Variants in ANKLE2 observed in about 807,000 individuals in gnomAD.
ANKLE2 encodes the protein ankyrin repeat and LEM domain-containing protein 2.
A neutral mutation model predicts 84.2 loss-of-function variants in ANKLE2; 55 were observed. That is an observed-to-expected ratio of 0.65 (90% CI 0.53 to 0.82). The LOEUF (loss-of-function observed/expected upper bound fraction) is 0.82, where lower values mean the gene tolerates loss of function less well. Ranked by LOEUF, ANKLE2 falls within the 40% of genes least tolerant of loss-of-function variation. ANKLE2 has a pLI of 0.00. For synonymous variants in ANKLE2, 551 were observed against 486.1 expected, an observed-to-expected ratio of 1.13 and a Z score of -1.76; for missense variants, 1,238 against 1,201.9, an observed-to-expected ratio of 1.03 and a Z score of -0.44.
intron 9 of ANKLE2, 155 bp from the exon 10 acceptor site, chr12:132,734,730 G>C: frequency 2.7e-6 from 2 of 743,644 alleles, no homozygotes; most frequent in Non-Finnish European, 2.1e-6. Context: ...GAAATCATAC[G>C]GTGCATTTTC....
chr12:132,733,809 T>A (rs1457531173), intron 10 of ANKLE2, among the ~76,000 whole-genome samples: 5 of 152,160 alleles, frequency 3.3e-5, no homozygotes, highest in African/African-American at 1.2e-4. Context: ...CCTGAAAATA[T>A]ACCAAATCTA....
In ANKLE2 at chr12:132,727,139, T is replaced by C. The variant is rs1375589536; in HGVS notation, c.*103A>G. The C allele has an allele frequency of 1.0e-5, 12 of 1,191,774 alleles. No homozygotes were observed. The highest frequency in any genetic ancestry group is 4.6e-5 in the African/African-American group (3 of 65,078). 73.8% of individuals were successfully genotyped at this position (1,191,774 alleles called of 1,614,324 possible). A position where few individuals can be genotyped will look rare whatever the true frequency, so the allele number is the denominator to read the frequency against. On this transcript the variant is annotated 3_prime_UTR_variant, in exon 13 of 13. Coordinates refer to ENST00000357997, the MANE Select transcript of ANKLE2 (RefSeq NM_015114.3). ...ATTCTCACACCCTCAAAGTGAGGAGTAATAATTTAATCAGAATATATTCCT... is the reference window on the plus strand; with the variant it reads ...ATTCTCACACCCTCAAAGTGAGGAGCAATAATTTAATCAGAATATATTCCT...
chr12:132,746,649 G>GA (rs1267533679), intron 5 of ANKLE2, among the ~76,000 whole-genome samples: 7 of 151,962 alleles, frequency 4.6e-5, no homozygotes, highest in Middle Eastern at 3.4e-3. Flanking sequence ...TTCAAAAATC[G>GA]AAATTAGGCA....
chr12:132,742,228 A>T (rs2044140416), intron 6 of ANKLE2: 1 of 157,614 alleles, frequency 6.3e-6, no homozygotes, highest in Admixed American at 6.3e-5. Context: ...CACAAAAAGA[A>T]TCACATGTAT....
intron 2 of ANKLE2, among the ~76,000 whole-genome samples, chr12:132,752,995 A>G (rs1242057921): frequency 1.4e-5 from 2 of 145,070 alleles, no homozygotes. Flanking sequence ...CAGTCTCTTA[A>G]AAAAAAAAAA....
intron 9 of ANKLE2, chr12:132,735,079 C>A: frequency 3.0e-6 from 1 of 331,720 alleles, no homozygotes; most frequent in African/African-American, 2.2e-5. Context: ...TGGCTATGGC[C>A]TATTTTTTCC....
chr12:132,750,204 CAA>C (rs1038591889), intron 3 of ANKLE2, among the ~76,000 whole-genome samples: 5 of 79,438 alleles, frequency 6.3e-5, no homozygotes, highest in Admixed American at 1.6e-4. Flanking sequence ...GACTCCATCT[CAA>C]AAAAAAAAAA....
chr12:132,730,091 G>A lies in ANKLE2; in HGVS notation c.2071C>T (p.Pro691Ser). The change falls in exon 11 of 13, where the codon CCG becomes TCG. Residue 691 changes from proline (P) to serine (S), a missense_variant. Physicochemically the swap from Pro to Ser is moderately conservative, Grantham distance 74 (BLOSUM62 -1). Around this residue, in one of 3 missense-constraint regions of ANKLE2, gnomAD observed 802 missense variants for 774.5 expected, o/e 1.04. Coordinates refer to ENST00000357997, the MANE Select transcript of ANKLE2 (RefSeq NM_015114.3). Reference sequence around the variant, plus strand: ...TTTCTGCTGCTGTGTGGACCTCCCGGCTCGGCGGCTTCTATGAGGTCTGCC... The same window carrying A: ...TTTCTGCTGCTGTGTGGACCTCCCGACTCGGCGGCTTCTATGAGGTCTGCC... ...QEADLIEAAE[P>S]GGPHSSRNGL... The A allele has an allele frequency of 6.2e-7, 1 of 1,612,414 alleles. No homozygotes were observed. Among genetic ancestry groups the A allele is most frequent in the Non-Finnish European group, 8.5e-7 (1 of 1,179,610 alleles).
Position 132,750,816 on chromosome 12 carries a change from GCTTC to G in ANKLE2, c.670_673del (p.Glu224HisfsTer7), listed in dbSNP as rs1566033126. On this transcript the variant is annotated frameshift_variant, in exon 3 of 13. Coordinates refer to ENST00000357997, the MANE Select transcript of ANKLE2 (RefSeq NM_015114.3). LOFTEE classifies it high-confidence loss of function. ...TTTGATCATCTTGACAGCTTGCAAT[GCTTC>G]CTTTTTATTTTCATAAACATAGATC... 3.1e-6 allele frequency: 5 copies of G among 1,614,156 alleles called. No homozygotes were observed. The highest frequency in any genetic ancestry group is 4.2e-6 in the Non-Finnish European group (5 of 1,180,016).
At chr12:132,735,804 G>A (rs1215976020) in intron 8 of ANKLE2, among the ~76,000 whole-genome samples, 1 of 152,208 alleles carries the variant, frequency 6.6e-6, no homozygotes, top group African/African-American at 2.4e-5. Flanking sequence ...TGAGGACAGT[G>A]GACGGCTCGG....
At position 132,730,014 on chromosome 12, in the gene ANKLE2, T is replaced by C; in HGVS notation, c.2148A>G (p.Pro716=). 1 of 1,613,296 alleles carries C rather than the reference T, an allele frequency of 6.2e-7. No homozygotes were observed. The highest frequency in any genetic ancestry group is 2.2e-5 in the East Asian group (1 of 44,848). The change falls in exon 11 of 13, where the codon CCA becomes CCG. Residue 716 remains proline, a synonymous_variant. Coordinates refer to ENST00000357997, the MANE Select transcript of ANKLE2 (RefSeq NM_015114.3). Reference sequence around the variant, plus strand: ...GGGCTTCCTCCCCACGGGGGGCCTTTGGTCTCTTGCCCGCCAGGGTCCTGC... The same window carrying C: ...GGGCTTCCTCCCCACGGGGGGCCTTCGGTCTCTTGCCCGCCAGGGTCCTGC... ...NHSRTLAGKR[P]KAPRGEEAHL...
chr12:132,727,342 T>C lies in ANKLE2; in HGVS notation c.2717A>G (p.Asn906Ser), dbSNP rs543387746. ...SPGRNSVAGS[N>S]PAKPGLGSPG... is the part of the protein sequence containing the mutation. ...ACTGCCCAGGCCTGGCTTTGCGGGG[T>C]TGCTTCCAGCCACGCTGTTTCTCCC... The change falls in exon 13 of 13, where the codon AAC becomes AGC. Residue 906 changes from asparagine (N) to serine (S), a missense_variant. Physicochemically the swap from Asn to Ser is conservative, Grantham distance 46. Coordinates refer to ENST00000357997, the MANE Select transcript of ANKLE2 (RefSeq NM_015114.3). The C allele has an allele frequency of 4.5e-6, 7 of 1,561,810 alleles. No individual in the cohort carries two copies. The highest frequency in any genetic ancestry group is 5.2e-6 in the Non-Finnish European group (6 of 1,153,448).
At chr12:132,751,617 A>G (rs1257868022) in intron 2 of ANKLE2, among the ~76,000 whole-genome samples, 1 of 144,948 alleles carries the variant, frequency 6.9e-6, no homozygotes, top group Non-Finnish European at 1.5e-5. Flanking sequence ...ATCTTGGCTC[A>G]CTGCGACCAT....
chr12:132,736,939 G>A lies in ANKLE2; in HGVS notation c.1547C>T (p.Pro516Leu), dbSNP rs201586661. 58 of 1,613,646 alleles carry A rather than the reference G, an allele frequency of 3.6e-5. No individual in the cohort carries two copies. The African/African-American group carries it at 5.2e-4, about 14-fold the overall frequency. The change falls in exon 8 of 13, where the codon CCG becomes CTG. Residue 516 changes from proline to leucine, a missense_variant. Around this residue, in one of 3 missense-constraint regions of ANKLE2, gnomAD observed 802 missense variants for 774.5 expected, o/e 1.04. Coordinates refer to ENST00000357997, the MANE Select transcript of ANKLE2 (RefSeq NM_015114.3). ...TGCGAAGGCTCTCAGGGTCAGTACC[G>A]GGTCTCTGGGGCTGCCTCCATAGCG... Reference protein sequence around the residue: ...VSRYGGSPRDPVLTLRAFAGP... With the variant: ...VSRYGGSPRDLVLTLRAFAGP...
intron 10 of ANKLE2, among the ~76,000 whole-genome samples, chr12:132,733,139 C>T (rs1290522542): frequency 3.4e-3 from 93 of 27,400 alleles, no homozygotes; most frequent in East Asian, 7.3e-3. Flanking sequence ...TGAAGCACTG[C>T]GCGTCCTGGT....
rs1456749268 is a variant in ANKLE2, at chr12:132,727,092, T to C, written c.*150A>G. ...AAATATCAGAAATCTAAGTGTTATA[T>C]AGAACATTTAAATCTTCTAAAATTC... On this transcript the variant is annotated 3_prime_UTR_variant, in exon 13 of 13. Transcript: ENST00000357997. 1.3e-5 allele frequency: 11 copies of C among 846,628 alleles called. No homozygotes were observed. Among genetic ancestry groups the C allele is most frequent in the South Asian group, 9.6e-5 (4 of 41,730 alleles). 52.4% of individuals were successfully genotyped at this position (846,628 alleles called of 1,614,324 possible). A position where few individuals can be genotyped will look rare whatever the true frequency, so the allele number is the denominator to read the frequency against.
rs771660834 is a variant in ANKLE2 at position 132,736,965 on chromosome 12, G to A, written c.1521C>T (p.Ser507=). 25 of 1,613,764 alleles carry A rather than the reference G, an allele frequency of 1.5e-5. No individual in the cohort carries two copies. Among genetic ancestry groups the A allele is most frequent in the Non-Finnish European group, 1.9e-5 (23 of 1,179,904 alleles). The change falls in exon 8 of 13, where the codon AGC becomes AGT. Residue 507 remains serine (S), a synonymous_variant. Coordinates refer to ENST00000357997, the MANE Select transcript of ANKLE2 (RefSeq NM_015114.3). The part of the protein sequence containing the change: ...PDQTAEASHV[S]RYGGSPRDPV... The stretch of plus-strand genomic sequence containing the variant: ...GGTCTCTGGGGCTGCCTCCATAGCG[G>A]CTGACGTGAGAGGCCTCAGCCGTCT...
intron 5 of ANKLE2, among the ~76,000 whole-genome samples, chr12:132,746,418 A>G (rs906292165): frequency 2.0e-5 from 3 of 151,818 alleles, no homozygotes; most frequent in Non-Finnish European, 4.4e-5. Flanking sequence ...TCCTACGCAT[A>G]AGTGGCATTT....
At chr12:132,744,894 A>G (rs2044203178) in intron 5 of ANKLE2, among the ~76,000 whole-genome samples, 1 of 152,102 alleles carries the variant, frequency 6.6e-6, no homozygotes, top group African/African-American at 2.4e-5. Context: ...GTTAGCCAGG[A>G]TGGTCTCGAT....
Sources: gnomAD v4.1 joint callset for allele counts (sites outside exome capture counted in the v4.1 genomes callset) on GRCh38, gnomAD v4.1.1 for gene constraint, gnomAD v4.1.1 regional missense constraint, MANE v1.5 for transcripts, NCBI Gene and HGNC (gene_info 2026-07-23, HGNC 2026-07-21) for gene names.